The following TFB2M variants were observed in gnomAD, a reference collection of about 807,000 sequenced individuals.
TFB2M encodes the protein dimethyladenosine transferase 2, mitochondrial.
Under a neutral mutation model 41.3 loss-of-function variants are expected in TFB2M, and 44 were observed. The ratio of observed to expected loss-of-function variants is 1.07; its 90% CI spans 0.84 to 1.37. TFB2M has a LOEUF of 1.37. Ranked by LOEUF, TFB2M falls within the 40% of genes most tolerant of loss-of-function variation. TFB2M has a pLI of 0.00. For synonymous variants in TFB2M, 188 were observed against 176.8 expected, an observed-to-expected ratio of 1.06 and a Z score of -0.50; for missense variants, 496 against 490.2, an observed-to-expected ratio of 1.01 and a Z score of -0.11.
rs192018954 is a variant in TFB2M, at chr1:246,561,089, G to A, written c.402+3257C>T. 1.6e-3 allele frequency among the ~76,000 whole-genome samples: 238 copies of A among 152,312 alleles called. 2 individuals are homozygous for A. The highest frequency in any genetic ancestry group is 2.5e-3 in the Non-Finnish European group (170 of 68,032). On this transcript the variant is annotated intron_variant, in intron 2 of 7. Coordinates refer to ENST00000366514, the MANE Select transcript of TFB2M (RefSeq NM_022366.3). ...GCTAAGCGCAGCACTTTAAGTCCCTGACTTAGAGCCACAAGAGTTCTGCTT... is the reference window on the plus strand; with the variant it reads ...GCTAAGCGCAGCACTTTAAGTCCCTAACTTAGAGCCACAAGAGTTCTGCTT...
intron 5 of TFB2M, among the ~76,000 whole-genome samples, chr1:246,548,980 GA>G (rs1349479043): frequency 2.0e-5 from 3 of 152,172 alleles, no homozygotes; most frequent in Non-Finnish European, 4.4e-5. Context: ...TACTTCAGTG[GA>G]AAAGCCTACT....
rs150029409 is a variant in TFB2M at position 246,556,483 on chromosome 1, C to T, written c.705+90G>A. ...AACAATCTTAGACCCTCAAATGTCA[C>T]GAGCCCTAAATTAAAATCGCACAGA... On this transcript the variant is annotated intron_variant, in intron 4 of 7. Coordinates refer to ENST00000366514, the MANE Select transcript of TFB2M (RefSeq NM_022366.3). The T allele has an allele frequency of 3.9e-4, 386 of 988,874 alleles. 1 individual carries two copies. The African/African-American group carries it at 4.8e-3, about 12-fold the overall frequency. The allele number at this position is 988,874 out of a possible 1,614,324, so 61.3% of individuals were successfully genotyped here.
chr1:246,556,286 G>C (rs749887815), intron 4 of TFB2M, among the ~76,000 whole-genome samples: 7 of 152,212 alleles, frequency 4.6e-5, no homozygotes, highest in Non-Finnish European at 1.0e-4. Context: ...AGGGGACGCA[G>C]GAAGAGGGAA....
intron 2 of TFB2M, among the ~76,000 whole-genome samples, chr1:246,560,011 C>T (rs2341679): frequency 0.36 from 54,832 of 152,036 alleles, 10,904 homozygotes; most frequent in Non-Finnish European, 0.44. Flanking sequence ...GCCTGAGGGC[C>T]GCATACAGCC....
intron 7 of TFB2M, 103 bp downstream of exon 7, chr1:246,544,418 G>A: frequency 9.6e-7 from 1 of 1,038,026 alleles, no homozygotes; most frequent in South Asian, 1.6e-5. Flanking sequence ...GGAAAACATG[G>A]TACCTCACTC....
In TFB2M at chr1:246,556,873, A is replaced by G. The variant is rs1659337414; in HGVS notation, c.557-152T>C. 5 of 672,686 alleles carry G rather than the reference A, an allele frequency of 7.4e-6. No individual in the cohort carries two copies. The South Asian group carries it at 1.4e-4, about 18-fold the overall frequency. The allele number at this position is 672,686 out of a possible 1,614,324, so 41.7% of individuals were successfully genotyped here. ...GCCTCAATATCTTTCCTTGGCATGA[A>G]ACTTGGCTTTTGGGGAAATAAACTG... On this transcript the variant is annotated intron_variant, in intron 3 of 7. Transcript: ENST00000366514.
chr1:246,546,984 T>A (rs55675550), intron 6 of TFB2M, among the ~76,000 whole-genome samples: 47 of 87,038 alleles, frequency 5.4e-4, no homozygotes, highest in African/African-American at 2.7e-3. Context: ...CACACACACA[T>A]TTTTTTTTTT....
At chr1:246,565,735 C>A (rs1659635083) in intron 1 of TFB2M, 91 bp downstream of exon 1, 8 of 1,355,910 alleles carry the variant, frequency 5.9e-6, no homozygotes, top group South Asian at 2.8e-5. Flanking sequence ...ACAAAAAAGA[C>A]CCCCCAGTAT....
At chr1:246,551,325 T>G in intron 4 of TFB2M, 23 bp from the exon 5 acceptor site, 1 of 1,492,242 alleles carries the variant, frequency 6.7e-7, no homozygotes, top group South Asian at 1.1e-5. Context: ...AAATAAAAAT[T>G]ACATGTTATA....
At chr1:246,563,485 T>G (rs1659510607) in intron 2 of TFB2M, among the ~76,000 whole-genome samples, 1 of 151,874 alleles carries the variant, frequency 6.6e-6, no homozygotes, top group African/African-American at 2.4e-5. Context: ...GCGCCTGTAA[T>G]CCCAGCTACT....
chr1:246,566,108 G>A lies in TFB2M; in HGVS notation c.31C>T (p.Arg11Trp). MWIPVVGLPRRLRLSALAGAG... is the reference protein window; with the variant it reads MWIPVVGLPRWLRLSALAGAG... ...CCCGCCAAGGCGGAGAGCCTCAGCCGCCGAGGAAGCCCGACCACTGGGATC... is the reference window on the plus strand; with the variant it reads ...CCCGCCAAGGCGGAGAGCCTCAGCCACCGAGGAAGCCCGACCACTGGGATC... The change falls in exon 1 of 8, where the codon CGG (arginine) becomes TGG (tryptophan). Residue 11 changes from arginine (R) to tryptophan (W), a missense_variant. By Grantham distance (101) the Arg-to-Trp change is moderately radical. Coordinates refer to ENST00000366514, the MANE Select transcript of TFB2M (RefSeq NM_022366.3). The A allele has an allele frequency of 6.2e-7, 1 of 1,610,594 alleles. No individual in the cohort carries two copies. Among genetic ancestry groups the A allele is most frequent in the Admixed American group, 1.7e-5 (1 of 59,950 alleles).
At chr1:246,564,843 C>G (rs574563064) in intron 1 of TFB2M, among the ~76,000 whole-genome samples, 29 of 152,212 alleles carry the variant, frequency 1.9e-4, no homozygotes, top group African/African-American at 7.0e-4. Flanking sequence ...CCACGCCCGG[C>G]TAATTTTTGT....
rs749643416 is a variant in TFB2M, at chr1:246,548,546, C to G, written c.857G>C (p.Arg286Thr). 6.2e-7 allele frequency: 1 copy of G among 1,612,956 alleles called. No individual in the cohort carries two copies. Among genetic ancestry groups the G allele is most frequent in the East Asian group, 2.2e-5 (1 of 44,816 alleles). Residue 286 changes from arginine to threonine, a missense_variant and splice_region_variant, in exon 6 of 8, where the codon AGG becomes ACG. Coordinates refer to ENST00000366514, the MANE Select transcript of TFB2M (RefSeq NM_022366.3). ...GAAAAGGTATTATTTTATTCTTACCCTACGCTTTGGGTTTTCCAGCGGCCC... is the reference window on the plus strand; with the variant it reads ...GAAAAGGTATTATTTTATTCTTACCGTACGCTTTGGGTTTTCCAGCGGCCC... ...RKGPLENPKR[R>T]ELLDQLQQKL...
At chr1:246,546,862 C>T (rs527966214) in intron 6 of TFB2M, among the ~76,000 whole-genome samples, 22 of 152,082 alleles carry the variant, frequency 1.4e-4, no homozygotes, top group Non-Finnish European at 2.8e-4. Flanking sequence ...AATATGAGCA[C>T]CTTGATATCA....
At chr1:246,544,979 G>A (rs569108775) in intron 6 of TFB2M, among the ~76,000 whole-genome samples, 75 of 152,034 alleles carry the variant, frequency 4.9e-4, no homozygotes, top group African/African-American at 1.7e-3. Context: ...CTAATTTTTT[G>A]TATTTTTAGT....
intron 6 of TFB2M, 139 bp downstream of exon 6, chr1:246,548,406 A>G (rs1483435629): frequency 3.1e-6 from 2 of 636,116 alleles, no homozygotes; most frequent in East Asian, 6.1e-5. Flanking sequence ...CATTAAAAGT[A>G]GTAAGATATG....
intron 1 of TFB2M, among the ~76,000 whole-genome samples, chr1:246,564,667 G>A (rs547055942): frequency 4.6e-5 from 7 of 151,566 alleles, no homozygotes; most frequent in Admixed American, 2.6e-4. Context: ...GTCAGCGACT[G>A]CAAAACCTGC....
At chr1:246,554,637 T>TCTCAGGC (rs1269076237) in intron 4 of TFB2M, among the ~76,000 whole-genome samples, 1 of 152,130 alleles carries the variant, frequency 6.6e-6, no homozygotes, top group East Asian at 1.9e-4. Context: ...TTATGGTGAG[T>TCTCAGGC]TGTATAATTA....
chr1:246,551,163 A>T (rs1163918620), intron 5 of TFB2M, 50 bp downstream of exon 5: 2 of 1,430,104 alleles, frequency 1.4e-6, no homozygotes, highest in Non-Finnish European at 2.0e-6. Flanking sequence ...CAACATAATG[A>T]GACCCTGTCG....
Sources: allele counts gnomAD v4.1 joint callset (sites outside exome capture counted in the v4.1 genomes callset), GRCh38; gene constraint gnomAD v4.1.1; transcripts MANE v1.5; gene names NCBI Gene and HGNC (gene_info 2026-07-23, HGNC 2026-07-21).